The following PCDH15 variants were observed in gnomAD, a reference collection of about 807,000 sequenced individuals.
The protein encoded by PCDH15 is protocadherin related 15, also known as protocadherin-15.
A neutral mutation model predicts 178.5 loss-of-function variants in PCDH15; 129 were observed. The observed-to-expected ratio is 0.72, with a 90% CI of 0.63 to 0.84. The LOEUF (loss-of-function observed/expected upper bound fraction) is 0.84, where lower values mean the gene tolerates loss of function less well. Among genes scored for constraint, PCDH15 ranks in the 40% least tolerant of loss-of-function variants. PCDH15 has a pLI of 0.00. For missense variants in PCDH15, 2,230 were observed against 2,099.9 expected, an observed-to-expected ratio of 1.06 and a Z score of -1.21; for synonymous variants, 800 against 732.0, an observed-to-expected ratio of 1.09 and a Z score of -1.50.
chr10:54,240,046 A>G (rs1214312386), intron 8 of PCDH15, among the ~76,000 whole-genome samples: 1 of 152,152 alleles, frequency 6.6e-6, no homozygotes, highest in Non-Finnish European at 1.5e-5. Context: ...GAGGCAGACA[A>G]TTTATATACA....
At chr10:53,984,031 A>G (rs2090894365) in intron 21 of PCDH15, among the ~76,000 whole-genome samples, 1 of 151,598 alleles carries the variant, frequency 6.6e-6, no homozygotes, top group Admixed American at 6.6e-5. Flanking sequence ...TCCGCTCAGA[A>G]TCACTTCTAG....
At chr10:54,384,155 A>T (rs1209223243) in intron 3 of PCDH15, among the ~76,000 whole-genome samples, 1 of 152,008 alleles carries the variant, frequency 6.6e-6, no homozygotes. Context: ...TTTAAAATGT[A>T]TGTGAAAGAT....
chr10:54,278,500 G>A (rs550422804), intron 8 of PCDH15, among the ~76,000 whole-genome samples: 1 of 151,640 alleles, frequency 6.6e-6, no homozygotes, highest in South Asian at 2.1e-4. Flanking sequence ...GGTAAATTAT[G>A]TCTACTCCCT....
chr10:55,025,103 A>G (rs1298408642), intron 2 of PCDH15, among the ~76,000 whole-genome samples: 1 of 152,042 alleles, frequency 6.6e-6, no homozygotes, highest in Non-Finnish European at 1.5e-5. Context: ...GTCTCTTTTC[A>G]TACATTATGT....
chr10:54,366,969 A>G (rs1379592420), intron 5 of PCDH15, among the ~76,000 whole-genome samples: 1 of 152,112 alleles, frequency 6.6e-6, no homozygotes, highest in African/African-American at 2.4e-5. Flanking sequence ...TACCTTTCCT[A>G]TAAATTTTAT....
intron 2 of PCDH15, among the ~76,000 whole-genome samples, chr10:55,579,698 CATT>C (rs1842567237): frequency 6.6e-6 from 1 of 152,076 alleles, no homozygotes; most frequent in African/African-American, 2.4e-5. Flanking sequence ...TGGCAGCAAA[CATT>C]ATGCTAGGAA....
intron 1 of PCDH15, among the ~76,000 whole-genome samples, chr10:55,201,622 T>C (rs1310133685): frequency 6.6e-6 from 1 of 152,184 alleles, no homozygotes; most frequent in Non-Finnish European, 1.5e-5. Context: ...TTTGCTCTGA[T>C]GTAGTGGTTG....
chr10:53,807,033 A>AGAC lies in PCDH15; in HGVS notation c.4766_4768dup (p.Arg1589dup). On this transcript the variant is annotated inframe_insertion, in exon 38 of 38. Transcript: ENST00000644397. The stretch of plus-strand genomic sequence containing the variant: ...ATTACTGTGGATACTAGGATGGTGA[A>AGAC]GACGGTTTCTCTGACATTCAGGAGC... 3 of 1,613,702 alleles carry AGAC rather than the reference A, an allele frequency of 1.9e-6. No individual in the cohort carries two copies. Among genetic ancestry groups the AGAC allele is most frequent in the Non-Finnish European group, 2.5e-6 (3 of 1,179,764 alleles).
intron 2 of PCDH15, among the ~76,000 whole-genome samples, chr10:54,640,087 C>T (rs2093956153): frequency 6.6e-6 from 1 of 151,940 alleles, no homozygotes; most frequent in Non-Finnish European, 1.5e-5. Flanking sequence ...TAGCAAGACC[C>T]TGTCTCTAAA....
At chr10:55,463,372 C>A (rs763046525) in intron 2 of PCDH15, among the ~76,000 whole-genome samples, 3 of 152,020 alleles carry the variant, frequency 2.0e-5, no homozygotes, top group Non-Finnish European at 2.9e-5. Context: ...GAAGGCCGAG[C>A]ACAGTGGCTT....
intron 5 of PCDH15, among the ~76,000 whole-genome samples, chr10:54,360,980 T>C (rs1213400740): frequency 1.3e-5 from 2 of 152,182 alleles, no homozygotes; most frequent in Non-Finnish European, 2.9e-5. Context: ...ACCACTATGT[T>C]AACCATTTAT....
At chr10:55,319,767 G>A (rs1453104733), upstream of PCDH15, among the ~76,000 whole-genome samples, 5 of 152,158 alleles carry the variant, frequency 3.3e-5, no homozygotes, top group African/African-American at 1.2e-4. Context: ...TGAGTTGGCA[G>A]GGACAGCTGC....
At chr10:55,390,127 C>CT (rs745581776) in intron 2 of PCDH15, among the ~76,000 whole-genome samples, 5 of 151,182 alleles carry the variant, frequency 3.3e-5, no homozygotes, top group Admixed American at 6.6e-5. Context: ...GTTTTTTTTT[C>CT]TTTTTTTGGT....
chr10:55,086,496 C>T (rs143212228), intron 2 of PCDH15, among the ~76,000 whole-genome samples: 33 of 152,124 alleles, frequency 2.2e-4, no homozygotes, highest in South Asian at 1.0e-3. Flanking sequence ...CTGGTATAAG[C>T]GTTAGCCTAT....
At chr10:54,929,335 C>T (rs1313888694) in intron 2 of PCDH15, among the ~76,000 whole-genome samples, 1 of 152,118 alleles carries the variant, frequency 6.6e-6, no homozygotes, top group Non-Finnish European at 1.5e-5. Context: ...GGTCACTACA[C>T]TTCAATGGGT....
At chr10:54,184,787 T>TA (rs1478241401) in intron 12 of PCDH15, among the ~76,000 whole-genome samples, 1 of 151,912 alleles carries the variant, frequency 6.6e-6, no homozygotes, top group Non-Finnish European at 1.5e-5. Context: ...TATGACTAAA[T>TA]AAAAAATGCA....
chr10:54,149,811 C>CTA (rs2044343079), intron 14 of PCDH15, among the ~76,000 whole-genome samples: 1 of 152,098 alleles, frequency 6.6e-6, no homozygotes, highest in African/African-American at 2.4e-5. Context: ...TTTCAACACT[C>CTA]TAGACTAGAG....
rs921174984 is a variant in PCDH15 at position 55,273,954 on chromosome 10, C to T, written c.-156+45645G>A. Reference sequence around the variant, plus strand: ...CACACACACACACATAAATACAAGGCCATCCATGTAAAATTAATGCACAAT... The same window carrying T: ...CACACACACACACATAAATACAAGGTCATCCATGTAAAATTAATGCACAAT... On this transcript the variant is annotated intron_variant, in intron 1 of 5. Transcript: ENST00000458638. Among the ~76,000 whole-genome samples the T allele has an allele frequency of 5.3e-5, 8 of 151,866 alleles. No individual in the cohort carries two copies. In the East Asian group the frequency reaches 1.5e-3, roughly 29 times the overall value.
At chr10:54,524,544 C>G (rs894016444) in intron 3 of PCDH15, among the ~76,000 whole-genome samples, 1 of 152,080 alleles carries the variant, frequency 6.6e-6, no homozygotes, top group Admixed American at 6.6e-5. Flanking sequence ...TTAAGTAGTC[C>G]CAGAGTAACT....
Sources: allele counts gnomAD v4.1 joint callset (sites outside exome capture counted in the v4.1 genomes callset), GRCh38; gene constraint gnomAD v4.1.1; transcripts MANE v1.5; gene names NCBI Gene and HGNC (gene_info 2026-07-23, HGNC 2026-07-21).